The following SPACA9 variants were observed in gnomAD, a reference collection of about 807,000 sequenced individuals.
SPACA9 encodes sperm acrosome associated 9.
A neutral mutation model predicts 12.5 loss-of-function variants in SPACA9; 14 were observed. The observed-to-expected ratio is 1.12, with a 90% CI of 0.74 to 1.75. The LOEUF (loss-of-function observed/expected upper bound fraction) is 1.75. Among genes scored for constraint, SPACA9 ranks in the 40% most tolerant of loss-of-function variants. The pLI, the probability that SPACA9 is intolerant of heterozygous loss-of-function variation, is 0.00. For missense variants in SPACA9, 292 were observed against 291.9 expected, an observed-to-expected ratio of 1.00 and a Z score of 0.00; for synonymous variants, 111 against 114.1, an observed-to-expected ratio of 0.97 and a Z score of 0.17.
chr9:132,884,058 C>A lies in SPACA9; in HGVS notation c.111C>A (p.His37Gln), dbSNP rs201564976. Residue 37 changes from histidine (H) to glutamine (Q), a missense_variant, in exon 2 of 4, where the codon CAC becomes CAA. By Grantham distance (24) the His-to-Gln change is conservative (BLOSUM62 0). Transcript: ENST00000356311. ...TGGAGCACTGCAGGGAGAACGCCCA[C>A]GACAAGATCCGGCCCATCTCCAGCA... is the stretch of plus-strand genomic sequence containing the variant. ...AALEHCRENA[H>Q]DKIRPISSIG... 12 of 1,614,006 alleles carry A rather than the reference C, an allele frequency of 7.4e-6. No homozygotes were observed. Among genetic ancestry groups the A allele is most frequent in the Non-Finnish European group, 9.3e-6 (11 of 1,180,016 alleles).
At chr9:132,886,023 G>C (rs1210387260) in intron 2 of SPACA9, among the ~76,000 whole-genome samples, 1 of 152,214 alleles carries the variant, frequency 6.6e-6, no homozygotes, top group Non-Finnish European at 1.5e-5. Context: ...TCCCCCTTAC[G>C]AAGCTGCTTG....
At chr9:132,883,676 T>G (rs1844484962) in intron 1 of SPACA9, among the ~76,000 whole-genome samples, 1 of 101,350 alleles carries the variant, frequency 9.9e-6, no homozygotes, top group Non-Finnish European at 2.2e-5. Flanking sequence ...TGGCAAAGAA[T>G]GTGTTCATGG....
chr9:132,878,814 G>A, upstream of SPACA9: 1 of 978,040 alleles, frequency 1.0e-6, no homozygotes, highest in Non-Finnish European at 1.2e-6. This position sits in a 1 kb window ranked among gnomAD's most constrained non-coding sequence, Gnocchi z 4.7. Context: ...TGGCCAAGCC[G>A]CCAAGTGACC....
chr9:132,879,187 T>C (rs1362205177), intron 1 of SPACA9, among the ~76,000 whole-genome samples, 173 bp downstream of exon 1: 1 of 152,126 alleles, frequency 6.6e-6, no homozygotes. Context: ...GACGGAGCTT[T>C]TTAAGTCGTA....
intron 2 of SPACA9, among the ~76,000 whole-genome samples, chr9:132,886,321 A>G (rs1844564076): frequency 6.6e-6 from 1 of 152,210 alleles, no homozygotes; most frequent in Admixed American, 6.5e-5. Context: ...TAACCCCATA[A>G]GCTCCACTTA....
At position 132,887,446 on chromosome 9, in the gene SPACA9, A is replaced by G. The variant is rs201066708; in HGVS notation, c.222A>G (p.Ser74=). ...TGCTCATGTTCCTGGACATCTGTTC[A>G]GAGCTGAATAAGCTCTGCCAGCACT... ...RVLLMFLDIC[S]ELNKLCQHFE... The change falls in exon 3 of 4, where the codon TCA becomes TCG. Residue 74 remains serine (S), a synonymous_variant. Coordinates refer to ENST00000356311, the MANE Select transcript of SPACA9 (RefSeq NM_001316897.2). The surrounding 1 kb of genome is among the most constrained non-coding windows in gnomAD (Gnocchi z 5.4). 2.8e-5 allele frequency: 45 copies of G among 1,613,612 alleles called. No homozygotes were observed. Among genetic ancestry groups the G allele is most frequent in the Middle Eastern group, 1.7e-4 (1 of 6,056 alleles).
Position 132,889,956 on chromosome 9 carries a change from G to T in SPACA9, c.*1345G>T, listed in dbSNP as rs2131501884. The T allele has an allele frequency of 1.3e-6, 2 of 1,508,884 alleles. No homozygotes were observed. Among genetic ancestry groups the T allele is most frequent in the African/African-American group, 2.8e-5 (2 of 71,250 alleles). The allele number at this position is 1,508,884 out of a possible 1,614,324, so 93.5% of individuals were successfully genotyped here. On this transcript the variant is annotated 3_prime_UTR_variant, in exon 4 of 4. Coordinates refer to ENST00000356311, the MANE Select transcript of SPACA9 (RefSeq NM_001316897.2). ...CTGACTGTTGGTTTTTCCCTTCACA[G>T]GGGACGACTTAGCTTCTGTATTATT...
intron 2 of SPACA9, among the ~76,000 whole-genome samples, chr9:132,885,113 AAAAACAAAAC>A (rs543403260): frequency 1.3e-5 from 2 of 152,120 alleles, no homozygotes; most frequent in South Asian, 2.1e-4. Context: ...ACTCCGTCTC[AAAAACAAAAC>A]AAAACAAAAC....
In SPACA9 at chr9:132,889,200, A is replaced by T. The variant is rs1404288209; in HGVS notation, c.*589A>T. 2 of 986,218 alleles carry T rather than the reference A, an allele frequency of 2.0e-6. No homozygotes were observed. The highest frequency in any genetic ancestry group is 2.4e-6 in the Non-Finnish European group (2 of 830,684). 61.1% of individuals were successfully genotyped at this position (986,218 alleles called of 1,614,324 possible). On this transcript the variant is annotated 3_prime_UTR_variant, in exon 4 of 4. Transcript: ENST00000356311. Reference sequence around the variant, plus strand: ...GGTCCCAGGAGGGCACTGAACTGTCACCTAGGTCCTCTTTGAGCCACATCC... The same window carrying T: ...GGTCCCAGGAGGGCACTGAACTGTCTCCTAGGTCCTCTTTGAGCCACATCC...
rs2285410 is a variant in SPACA9, at chr9:132,889,875, G to A, written c.*1264G>A. ...ATGACCTGGTTTTCACAGCGTAGTC[G>A]AACCCCAAACATTGTAAAATGTGTC... On this transcript the variant is annotated 3_prime_UTR_variant, in exon 4 of 4. Transcript: ENST00000356311. 2.9e-3 allele frequency: 4,000 copies of A among 1,394,822 alleles called. 84 individuals carry two copies. The highest frequency in any genetic ancestry group is 0.027 in the East Asian group (991 of 37,392). 86.4% of individuals were successfully genotyped at this position (1,394,822 alleles called of 1,614,324 possible).
At chr9:132,883,227 C>T (rs1564456988) in intron 1 of SPACA9, among the ~76,000 whole-genome samples, 2 of 152,214 alleles carry the variant, frequency 1.3e-5, no homozygotes, top group Non-Finnish European at 1.5e-5. Context: ...GGGCAGTCCA[C>T]TAGCCACCAG....
At chr9:132,883,851 C>T (rs896182752) in intron 1 of SPACA9, 60 bp from the exon 2 acceptor site, 10 of 1,352,894 alleles carry the variant, frequency 7.4e-6, no homozygotes, top group African/African-American at 1.4e-5. Flanking sequence ...TCCTTCCCTC[C>T]GGAGCTGGAT....
intron 2 of SPACA9, among the ~76,000 whole-genome samples, chr9:132,886,968 C>T (rs1056087443): frequency 3.3e-5 from 5 of 151,978 alleles, no homozygotes; most frequent in African/African-American, 4.8e-5. Flanking sequence ...CGTGCCACCA[C>T]GCCTGGCTAA....
chr9:132,883,210 G>A (rs1180101013), intron 1 of SPACA9, among the ~76,000 whole-genome samples: 1 of 152,072 alleles, frequency 6.6e-6, no homozygotes, highest in Admixed American at 6.5e-5. Context: ...CAATTAACAG[G>A]GTCAGGGGGC....
At chr9:132,880,861 C>T (rs376718680) in intron 1 of SPACA9, among the ~76,000 whole-genome samples, 3 of 143,412 alleles carry the variant, frequency 2.1e-5, no homozygotes, top group Non-Finnish European at 3.0e-5. Context: ...CTTGCTCTGT[C>T]GCCCAGGCTG....
chr9:132,880,276 C>G (rs923375896), intron 1 of SPACA9, among the ~76,000 whole-genome samples: 3 of 152,198 alleles, frequency 2.0e-5, no homozygotes, highest in African/African-American at 7.2e-5. Flanking sequence ...CCCTCCTCCC[C>G]CAGATCGAGA....
chr9:132,883,848 C>T (rs1844490444), intron 1 of SPACA9, 63 bp from the exon 2 acceptor site: 17 of 1,326,872 alleles, frequency 1.3e-5, no homozygotes, highest in Non-Finnish European at 1.7e-5. Context: ...CAGTCCTTCC[C>T]TCCGGAGCTG....
chr9:132,887,276 G>C lies in SPACA9; in HGVS notation c.145-93G>C, dbSNP rs140770799. 5.6e-3 allele frequency: 6,105 copies of C among 1,086,816 alleles called. 31 individuals are homozygous for C. Among genetic ancestry groups the C allele is most frequent in the Non-Finnish European group, 6.9e-3 (4,979 of 725,860 alleles). The allele number at this position is 1,086,816 out of a possible 1,614,324, so 67.3% of individuals were successfully genotyped here. A position where few individuals can be genotyped will look rare whatever the true frequency, so the allele number is the denominator to read the frequency against. On this transcript the variant is annotated intron_variant, in intron 2 of 3. Coordinates refer to ENST00000356311, the MANE Select transcript of SPACA9 (RefSeq NM_001316897.2). The surrounding 1 kb of genome is among the most constrained non-coding windows in gnomAD (Gnocchi z 5.4). ...CCCCATGAGTCATGTAGGGTGGGAG[G>C]GAGTAGGGTGGGTGCTTCTGGACAT...
chr9:132,888,380 C>T lies in SPACA9; in HGVS notation c.438C>T (p.Asp146=), dbSNP rs1438193950. The change falls in exon 4 of 4, where the codon GAC becomes GAT. Residue 146 remains aspartate, a synonymous_variant. Coordinates refer to ENST00000356311, the MANE Select transcript of SPACA9 (RefSeq NM_001316897.2). The surrounding 1 kb of genome is among the most constrained non-coding windows in gnomAD (Gnocchi z 5.0). ...TCAGCCTCATCCCCCTCATCCTAGA[C>T]TTAATGAAAGAATGGATCGCCCACT... The part of the protein sequence containing the change: ...GVVSLIPLIL[D]LMKEWIAHSE... The T allele has an allele frequency of 3.7e-6, 6 of 1,614,158 alleles. No individual in the cohort carries two copies. The South Asian group carries it at 6.6e-5, about 18-fold the overall frequency.
Sources: allele counts gnomAD v4.1 joint callset (sites outside exome capture counted in the v4.1 genomes callset), GRCh38; gene constraint gnomAD v4.1.1; non-coding constraint Gnocchi (gnomAD v3.1); transcripts MANE v1.5; gene names NCBI Gene and HGNC (gene_info 2026-07-23, HGNC 2026-07-21).